Variants in SPHKAP observed in about 807,000 individuals in gnomAD.
SPHKAP encodes the protein SPHK1 interactor, AKAP domain containing.
In SPHKAP, 67 loss-of-function variants were observed where a neutral mutation model predicts 137.5. That is an observed-to-expected ratio of 0.49 (90% confidence interval 0.40 to 0.60). The LOEUF (loss-of-function observed/expected upper bound fraction) is 0.60. Among genes scored for constraint, SPHKAP ranks in the 20% least tolerant of loss-of-function variants. SPHKAP has a pLI of 0.00. For missense variants in SPHKAP, 2,097 were observed against 2,069.3 expected (o/e 1.01, Z -0.26); for synonymous variants, 813 against 785.3 (o/e 1.04, Z -0.59).
At chr2:228,006,872 A>C (rs1694161707) in intron 7 of SPHKAP, among the ~76,000 whole-genome samples, 1 of 152,198 alleles carries the variant, frequency 6.6e-6, no homozygotes, top group Non-Finnish European at 1.5e-5. Flanking sequence ...TGAACAGCAA[A>C]TGCTGCTGTC....
At chr2:228,111,717 T>C (rs1698523271) in intron 2 of SPHKAP, among the ~76,000 whole-genome samples, 1 of 152,138 alleles carries the variant, frequency 6.6e-6, no homozygotes, top group Non-Finnish European at 1.5e-5. Flanking sequence ...GATACAAATC[T>C]TTACAGAAAT....
chr2:228,140,172 C>T (rs1354203502), intron 1 of SPHKAP, among the ~76,000 whole-genome samples: 1 of 151,570 alleles, frequency 6.6e-6, no homozygotes, highest in African/African-American at 2.4e-5. Flanking sequence ...GTCTCGATCT[C>T]CTGACCTCAG....
chr2:228,030,924 A>T (rs1478094710), intron 3 of SPHKAP, among the ~76,000 whole-genome samples: 1 of 152,202 alleles, frequency 6.6e-6, no homozygotes, highest in African/African-American at 2.4e-5. Context: ...CCGAATAGGA[A>T]CAGCTCTGGT....
rs1031641197 is a variant in SPHKAP, at chr2:227,981,674, T to C, written c.*43A>G. ...TTAGAACAAACCACTGTAATCTAAG[T>C]TGGAATAAAGGGAAGGAATGATCTA... On this transcript the variant is annotated 3_prime_UTR_variant, in exon 12 of 12. Coordinates refer to ENST00000392056, the MANE Select transcript of SPHKAP (RefSeq NM_001142644.2). 6.3e-7 allele frequency: 1 copy of C among 1,582,114 alleles called. No individual in the cohort carries two copies. The highest frequency in any genetic ancestry group is 1.9e-5 in the Admixed American group (1 of 53,574).
At chr2:228,025,960 G>A (rs1470879960) in intron 4 of SPHKAP, 1 of 679,320 alleles carries the variant, frequency 1.5e-6, no homozygotes, top group Non-Finnish European at 1.8e-6. Context: ...GCCACGTGTT[G>A]TGGGAGGGAC....
At chr2:228,132,315 C>T (rs1369656233) in intron 1 of SPHKAP, among the ~76,000 whole-genome samples, 2 of 152,164 alleles carry the variant, frequency 1.3e-5, no homozygotes, top group African/African-American at 2.4e-5. Flanking sequence ...AGCCCAATGC[C>T]TTCCACAGTG....
chr2:228,090,037 G>T (rs1320179380), intron 3 of SPHKAP, among the ~76,000 whole-genome samples: 2 of 152,182 alleles, frequency 1.3e-5, no homozygotes, highest in Non-Finnish European at 2.9e-5. Context: ...ACTGTGGGAA[G>T]GGGGTTGCTG....
chr2:228,127,142 G>T (rs10933236), intron 2 of SPHKAP, among the ~76,000 whole-genome samples: 1 of 151,956 alleles, frequency 6.6e-6, no homozygotes, highest in African/African-American at 2.4e-5. Flanking sequence ...AAGAGTGGTG[G>T]TTTATCAGGA....
chr2:228,161,150 G>T (rs914111048), intron 1 of SPHKAP, among the ~76,000 whole-genome samples: 2 of 152,344 alleles, frequency 1.3e-5, no homozygotes, highest in South Asian at 4.1e-4. Context: ...TCCAGGGAAA[G>T]CTTCACTGGG....
At chr2:228,034,213 A>G (rs531244393) in intron 3 of SPHKAP, among the ~76,000 whole-genome samples, 1 of 152,354 alleles carries the variant, frequency 6.6e-6, no homozygotes, top group African/African-American at 2.4e-5. Context: ...CACTGATCCC[A>G]CAGAAATACA....
chr2:228,169,724 G>T (rs1030646770), intron 1 of SPHKAP: 1 of 151,946 alleles, frequency 6.6e-6, no homozygotes, highest in Non-Finnish European at 1.5e-5. Context: ...CAAGTCTTAT[G>T]ATTTAAAAAG....
intron 1 of SPHKAP, among the ~76,000 whole-genome samples, chr2:228,145,918 T>G (rs567899428): frequency 6.6e-6 from 1 of 152,306 alleles, no homozygotes; most frequent in African/African-American, 2.4e-5. Flanking sequence ...CTCTAAAGTG[T>G]GGCTTGTGGG....
rs1693408312 is a variant in SPHKAP, at chr2:227,991,345, G to T, written c.4722-19C>A. On this transcript the variant is annotated intron_variant, in intron 9 of 11. Coordinates refer to ENST00000392056, the MANE Select transcript of SPHKAP (RefSeq NM_001142644.2). ...TAATTCACTTTGGGAGAAAACAACA[G>T]TATATGGTTGGTAATGTTTAGAAGA... The T allele has an allele frequency of 1.2e-6, 2 of 1,613,942 alleles. No homozygotes were observed. The highest frequency in any genetic ancestry group is 2.2e-5 in the East Asian group (1 of 44,894).
intron 8 of SPHKAP, chr2:227,993,874 T>C (rs1693517777): frequency 5.0e-6 from 1 of 198,256 alleles, no homozygotes; most frequent in South Asian, 1.8e-4. Flanking sequence ...GTGATACCAC[T>C]TTCTGAAGTG....
At chr2:228,100,226 C>G (rs1187180369) in intron 3 of SPHKAP, among the ~76,000 whole-genome samples, 2 of 152,068 alleles carry the variant, frequency 1.3e-5, no homozygotes, top group Non-Finnish European at 2.9e-5. Context: ...GCTCTAGGAG[C>G]CTTTTTGTGG....
At chr2:228,025,363 G>A in intron 5 of SPHKAP, 31 bp downstream of exon 5, 4 of 1,612,260 alleles carry the variant, frequency 2.5e-6, no homozygotes, top group South Asian at 1.1e-5. Context: ...ATAGATGTAA[G>A]TAAATGGCTT....
intron 1 of SPHKAP, among the ~76,000 whole-genome samples, chr2:228,147,951 T>G (rs2106395071): frequency 6.6e-6 from 1 of 152,302 alleles, no homozygotes; most frequent in South Asian, 2.1e-4. Flanking sequence ...TTTGATTTAC[T>G]CAGTTGCATT....
At chr2:228,034,126 C>T (rs1209364053) in intron 3 of SPHKAP, among the ~76,000 whole-genome samples, 1 of 152,012 alleles carries the variant, frequency 6.6e-6, no homozygotes, top group South Asian at 2.1e-4. Flanking sequence ...AATTGATAGA[C>T]CGCTAGCAAG....
At chr2:228,045,058 ACAC>A (rs1695987143) in intron 3 of SPHKAP, among the ~76,000 whole-genome samples, 1 of 152,028 alleles carries the variant, frequency 6.6e-6, no homozygotes. Context: ...ATACCATCTC[ACAC>A]CAGTTAGAAT....
Sources: allele counts gnomAD v4.1 joint callset (sites outside exome capture counted in the v4.1 genomes callset), GRCh38; gene constraint gnomAD v4.1.1; transcripts MANE v1.5; gene names NCBI Gene and HGNC (gene_info 2026-07-23, HGNC 2026-07-21).